The following TRIO variants were observed in gnomAD, a reference collection of about 807,000 sequenced individuals.
The protein encoded by TRIO is triple functional domain protein.
A neutral mutation model predicts 351.9 loss-of-function variants in TRIO; 58 were observed. That is an observed-to-expected ratio of 0.16 (90% CI 0.13 to 0.21). The LOEUF (loss-of-function observed/expected upper bound fraction) is 0.21. Among genes scored for constraint, TRIO ranks in the 10% least tolerant of loss-of-function variants. TRIO has a pLI of 1.00. For synonymous variants in TRIO, 1,758 were observed against 1,595.7 expected, an observed-to-expected ratio of 1.10 and a Z score of -2.42; for missense variants, 3,201 against 4,027.8, an observed-to-expected ratio of 0.79 and a Z score of 5.56.
Position 14,487,768 on chromosome 5 carries a change from C to T in TRIO, c.7140C>T (p.Gly2380=), listed in dbSNP as rs752358156. Residue 2380 remains glycine (G), a synonymous_variant, in exon 48 of 57, where the codon GGC becomes GGT. Coordinates refer to ENST00000344204, the MANE Select transcript of TRIO (RefSeq NM_007118.4). ...STPGPSLPPP[G]AAPEAGPSAP... is the part of the protein sequence containing the mutation. ...CCGGGCCCTCCCTGCCTCCCCCTGG[C>T]GCGGCCCCCGAGGCCGGCCCCAGCG... 5.8e-6 allele frequency: 8 copies of T among 1,369,188 alleles called. No individual in the cohort carries two copies. Among genetic ancestry groups the T allele is most frequent in the Middle Eastern group, 2.0e-4 (1 of 4,938 alleles). The allele number at this position is 1,369,188 out of a possible 1,614,324, so 84.8% of individuals were successfully genotyped here.
chr5:14,353,638 C>T (rs1389910498), intron 11 of TRIO, among the ~76,000 whole-genome samples: 2 of 152,158 alleles, frequency 1.3e-5, no homozygotes, highest in Non-Finnish European at 2.9e-5. Flanking sequence ...ATCCAGGTAA[C>T]TTGTCAAAGT....
chr5:14,317,968 A>G (rs1739518872), intron 9 of TRIO, among the ~76,000 whole-genome samples: 1 of 152,172 alleles, frequency 6.6e-6, no homozygotes, highest in East Asian at 1.9e-4. Flanking sequence ...CTCTACTCAG[A>G]ATACAAAAAT....
At chr5:14,261,671 A>G (rs534889615) in intron 1 of TRIO, among the ~76,000 whole-genome samples, 15 of 152,268 alleles carry the variant, frequency 9.9e-5, no homozygotes, top group Non-Finnish European at 1.6e-4. Flanking sequence ...CTTAGACACC[A>G]CTTCCCTGAA....
At chr5:14,418,253 G>T (rs1230044845) in intron 33 of TRIO, among the ~76,000 whole-genome samples, 1 of 152,300 alleles carries the variant, frequency 6.6e-6, no homozygotes, top group East Asian at 1.9e-4. Context: ...CACTGGGGGG[G>T]ACCTTTGCCT....
chr5:14,279,722 A>G (rs887129165), intron 2 of TRIO, among the ~76,000 whole-genome samples: 9 of 152,230 alleles, frequency 5.9e-5, no homozygotes. Context: ...TAAAATCCTT[A>G]AGCTAATTAG....
At chr5:14,424,494 GA>G (rs1184202006) in intron 34 of TRIO, among the ~76,000 whole-genome samples, 1 of 151,762 alleles carries the variant, frequency 6.6e-6, no homozygotes, top group South Asian at 2.1e-4. Flanking sequence ...AAATTAAAGG[GA>G]AAAAAAACAT....
Position 14,461,243 on chromosome 5 carries a change from G to A in TRIO, c.5428G>A (p.Ala1810Thr), listed in dbSNP as rs368043617. 6.3e-7 allele frequency: 1 copy of A among 1,589,166 alleles called. No individual in the cohort carries two copies. Among genetic ancestry groups the A allele is most frequent in the Non-Finnish European group, 8.6e-7 (1 of 1,169,208 alleles). ...GAAGAGCCGCGAGGTCCGCAAGAGCGCCGACGCCGGCTCGCAGAAGGACTC... is the reference window on the plus strand; with the variant it reads ...GAAGAGCCGCGAGGTCCGCAAGAGCACCGACGCCGGCTCGCAGAAGGACTC... ...HKKSREVRKS[A>T]DAGSQKDSDD... is the part of the protein sequence containing the mutation. The change falls in exon 35 of 57, where the codon GCC (alanine) becomes ACC (threonine). Residue 1810 changes from alanine to threonine, a missense_variant. Transcript: ENST00000344204.
rs1434999710 is a variant in TRIO at position 14,502,766 on chromosome 5, CTG to C, written c.8411+115_8411+116del. 2.8e-6 allele frequency: 3 copies of C among 1,054,210 alleles called. No individual in the cohort carries two copies. The East Asian group carries it at 7.3e-5, about 26-fold the overall frequency. 65.3% of individuals were successfully genotyped at this position (1,054,210 alleles called of 1,614,324 possible). ...GTGTTATCTTGCCAGCAATTGGAAGCTGTGTGTCTTGCATTTGAATCGTAACT... is the reference window on the plus strand; with the variant it reads ...GTGTTATCTTGCCAGCAATTGGAAGCTGTGTCTTGCATTTGAATCGTAACT... On this transcript the variant is annotated intron_variant, in intron 54 of 56. Coordinates refer to ENST00000344204, the MANE Select transcript of TRIO (RefSeq NM_007118.4).
In TRIO at chr5:14,179,733, G is replaced by A. The variant is rs1242854551; in HGVS notation, c.157+35851G>A. On this transcript the variant is annotated intron_variant, in intron 1 of 56. Transcript: ENST00000344204. Reference sequence around the variant, plus strand: ...TTATAGGCATGAGCCACCACACCCAGCCTCAATCTGGAATTTTACACATAT... The same window carrying A: ...TTATAGGCATGAGCCACCACACCCAACCTCAATCTGGAATTTTACACATAT... Among the ~76,000 whole-genome samples, 3 of 152,198 alleles carry A rather than the reference G, an allele frequency of 2.0e-5. No individual in the cohort carries two copies. In the East Asian group the frequency reaches 5.8e-4, roughly 29 times the overall value.
In TRIO at chr5:14,507,264, G is replaced by C; in HGVS notation, c.8751+4G>C. The C allele has an allele frequency of 5.6e-6, 9 of 1,611,276 alleles. No individual in the cohort carries two copies. The highest frequency in any genetic ancestry group is 7.6e-6 in the Non-Finnish European group (9 of 1,179,834). ...GATAGCACACCTGGACCTAAAGGTT[G>C]GTGAGGCCCCGGGCAGGTGAAGGGG... On this transcript the variant is annotated splice_donor_region_variant and intron_variant, in intron 56 of 56. Transcript: ENST00000344204.
In TRIO at chr5:14,297,096, A is replaced by G; in HGVS notation, c.1201A>G (p.Ile401Val). The change falls in exon 7 of 57, where the codon ATC becomes GTC. Residue 401 changes from isoleucine to valine, a missense_variant. Physicochemically the swap from Ile to Val is conservative, Grantham distance 29. Around this residue, in one of 19 missense-constraint regions of TRIO, gnomAD observed 349 missense variants for 449.3 expected, o/e 0.78. Transcript: ENST00000344204. ...GAACGTGTATGTAAATATAAACCGC[A>G]TCATGTCGGTGGCCAATCGTCTGGT... Reference protein sequence around the residue: ...CMNVYVNINRIMSVANRLVES... With the variant: ...CMNVYVNINRVMSVANRLVES... The G allele has an allele frequency of 1.2e-6, 2 of 1,613,558 alleles. No homozygotes were observed. The highest frequency in any genetic ancestry group is 1.7e-4 in the Middle Eastern group (1 of 6,060).
intron 2 of TRIO, among the ~76,000 whole-genome samples, chr5:14,275,149 A>G (rs1344071679): frequency 6.6e-6 from 1 of 152,212 alleles, no homozygotes; most frequent in East Asian, 1.9e-4. Context: ...TTTCAATTAT[A>G]TATTTGTGGA....
At position 14,300,928 on chromosome 5, in the gene TRIO, G is replaced by A. The variant is rs899326523; in HGVS notation, c.1369-3533G>A. Among the ~76,000 whole-genome samples the A allele has an allele frequency of 4.6e-5, 7 of 152,090 alleles. 1 individual carries two copies. In the East Asian group the frequency reaches 1.3e-3, roughly 29 times the overall value. ...AAATCTAGGAAATTTCCGTCCCTTT[G>A]TCTCCTAAGTCCAGCTTAGTGCCTG... On this transcript the variant is annotated intron_variant, in intron 7 of 56. Coordinates refer to ENST00000344204, the MANE Select transcript of TRIO (RefSeq NM_007118.4).
intron 18 of TRIO, among the ~76,000 whole-genome samples, chr5:14,373,254 C>A (rs2152347248): frequency 6.6e-6 from 1 of 152,304 alleles, no homozygotes. Context: ...CCATATCAGA[C>A]AACTCGAAAT....
chr5:14,149,931 A>G (rs1188743719), intron 1 of TRIO, among the ~76,000 whole-genome samples: 1 of 152,222 alleles, frequency 6.6e-6, no homozygotes, highest in Non-Finnish European at 1.5e-5. Flanking sequence ...GTTTTCTCAC[A>G]GTCTGTAGCC....
chr5:14,266,211 A>C (rs1430456291), intron 1 of TRIO, among the ~76,000 whole-genome samples: 1 of 152,022 alleles, frequency 6.6e-6, no homozygotes, highest in Admixed American at 6.5e-5. Context: ...GGTGTGCACC[A>C]CTGCTCCTGG....
At chr5:14,195,105 C>A (rs973958205) in intron 1 of TRIO, among the ~76,000 whole-genome samples, 3 of 152,064 alleles carry the variant, frequency 2.0e-5, no homozygotes, top group African/African-American at 7.2e-5. Context: ...ATCTAATTTA[C>A]AGACTTTATT....
chr5:14,391,026 C>T, intron 27 of TRIO, 36 bp downstream of exon 27: 1 of 1,523,092 alleles, frequency 6.6e-7, no homozygotes, highest in East Asian at 2.4e-5. Flanking sequence ...CATAATTTTC[C>T]AAGTTGTGTA....
At chr5:14,345,789 C>T (rs1056199227) in intron 11 of TRIO, among the ~76,000 whole-genome samples, 5 of 152,226 alleles carry the variant, frequency 3.3e-5, no homozygotes, top group Admixed American at 2.6e-4. Flanking sequence ...ATCCACCCAC[C>T]TCAGCTTCCC....
Sources: allele counts gnomAD v4.1 joint callset (sites outside exome capture counted in the v4.1 genomes callset), GRCh38; gene constraint gnomAD v4.1.1; regional missense constraint gnomAD v4.1.1; transcripts MANE v1.5; gene names NCBI Gene and HGNC (gene_info 2026-07-23, HGNC 2026-07-21).